Variants in ELOVL7 observed in about 807,000 individuals in gnomAD.
ELOVL7 encodes the protein very long chain fatty acid elongase 7.
A neutral mutation model predicts 35.7 loss-of-function variants in ELOVL7; 27 were observed. That is an observed-to-expected ratio of 0.76 (90% CI 0.56 to 1.04). ELOVL7 has a LOEUF of 1.04. Among genes scored for constraint, ELOVL7 ranks in the 50% least tolerant of loss-of-function variants. The pLI, the probability that ELOVL7 is intolerant of heterozygous loss-of-function variation, is 0.00. For missense variants in ELOVL7, 327 were observed against 340.8 expected, an observed-to-expected ratio of 0.96 and a Z score of 0.32; for synonymous variants, 113 against 114.6, an observed-to-expected ratio of 0.99 and a Z score of 0.09.
At chr5:60,754,880 A>C (rs1300349010) in intron 8 of ELOVL7, 47 bp from the exon 9 acceptor site, 3 of 1,528,232 alleles carry the variant, frequency 2.0e-6, no homozygotes, top group Admixed American at 3.5e-5. Flanking sequence ...ATGAAGAGTT[A>C]ACAATTCTTT....
chr5:60,807,451 G>A (rs1415120790), intron 1 of ELOVL7, among the ~76,000 whole-genome samples: 4 of 151,648 alleles, frequency 2.6e-5, no homozygotes, highest in Admixed American at 2.6e-4. Context: ...AAACACTGAG[G>A]GAAAGAGACA....
chr5:60,754,867 G>A (rs757049350), intron 8 of ELOVL7, 34 bp from the exon 9 acceptor site: 45 of 1,577,772 alleles, frequency 2.9e-5, no homozygotes, highest in Non-Finnish European at 3.7e-5. Context: ...AAATTATTCA[G>A]ATATGAAGAG....
At chr5:60,820,369 T>G (rs569863907) in intron 1 of ELOVL7, among the ~76,000 whole-genome samples, 236 of 152,356 alleles carry the variant, frequency 1.5e-3, no homozygotes, top group African/African-American at 5.4e-3. Context: ...ATAATACATT[T>G]GTGTTATTTC....
intron 1 of ELOVL7, among the ~76,000 whole-genome samples, chr5:60,816,053 T>C (rs775304036): frequency 5.3e-5 from 8 of 152,158 alleles, no homozygotes; most frequent in Admixed American, 1.3e-4. Context: ...CTCTATTACC[T>C]ACAAAATGGA....
chr5:60,767,050 G>A (rs1742283922), intron 5 of ELOVL7, among the ~76,000 whole-genome samples: 1 of 152,110 alleles, frequency 6.6e-6, no homozygotes, highest in Non-Finnish European at 1.5e-5. Flanking sequence ...TTTAAAGGCT[G>A]AATCATATTC....
intron 3 of ELOVL7, among the ~76,000 whole-genome samples, chr5:60,786,708 A>G (rs528964026): frequency 6.6e-6 from 1 of 152,206 alleles, no homozygotes; most frequent in South Asian, 2.1e-4. Context: ...GCACTTTGGG[A>G]GGCCAAGGCG....
chr5:60,836,153 A>ATG (rs1442952454), intron 1 of ELOVL7, among the ~76,000 whole-genome samples: 1 of 151,982 alleles, frequency 6.6e-6, no homozygotes, highest in East Asian at 1.9e-4. Context: ...ATATATATAT[A>ATG]TACACATTTT....
intron 1 of ELOVL7, among the ~76,000 whole-genome samples, chr5:60,814,064 A>G (rs900276081): frequency 4.6e-5 from 7 of 152,224 alleles, no homozygotes; most frequent in African/African-American, 1.7e-4. Context: ...GAACGAACTC[A>G]GCTAAGCTAC....
chr5:60,802,613 G>T (rs748482330), intron 1 of ELOVL7: 1 of 152,110 alleles, frequency 6.6e-6, no homozygotes, highest in Non-Finnish European at 1.5e-5. Context: ...CATATATCCA[G>T]GATGTAAACT....
chr5:60,786,087 A>G, intron 3 of ELOVL7: 1 of 152,204 alleles, frequency 6.6e-6, no homozygotes, highest in East Asian at 1.9e-4. Flanking sequence ...GTATAGCTCA[A>G]TATCTCAAAA....
rs763757476 is a variant in ELOVL7 at position 60,752,433 on chromosome 5, CTCTTT to C, written c.*2186_*2190del. 1 of 152,602 alleles carries C rather than the reference CTCTTT, an allele frequency of 6.6e-6. No individual in the cohort carries two copies. The highest frequency in any genetic ancestry group is 1.9e-4 in the East Asian group (1 of 5,198). The allele number at this position is 152,602 out of a possible 1,614,324, so 9.5% of individuals were successfully genotyped here. A position where few individuals can be genotyped will look rare whatever the true frequency, so the allele number is the denominator to read the frequency against. On this transcript the variant is annotated 3_prime_UTR_variant, in exon 9 of 9. Coordinates refer to ENST00000508821, the MANE Select transcript of ELOVL7 (RefSeq NM_024930.3). ...CAAGAAATAAACTCTCCTGTTTCAT[CTCTTT>C]TATTTTTGCCTCATTTTGGTCTCTA... is the stretch of plus-strand genomic sequence containing the variant.
intron 1 of ELOVL7, among the ~76,000 whole-genome samples, chr5:60,834,243 A>G (rs1746653789): frequency 6.6e-6 from 1 of 151,786 alleles, no homozygotes; most frequent in South Asian, 2.1e-4. Context: ...CCAGGTTCAC[A>G]CCATTCTCCT....
intron 1 of ELOVL7, among the ~76,000 whole-genome samples, chr5:60,842,998 G>A (rs1747267160): frequency 6.6e-6 from 1 of 152,092 alleles, no homozygotes; most frequent in Admixed American, 6.5e-5. Flanking sequence ...GAAAGGGAAT[G>A]AATAAGCGGG....
chr5:60,796,490 C>T (rs79204548), intron 2 of ELOVL7, among the ~76,000 whole-genome samples: 1,855 of 152,280 alleles, frequency 0.012, 21 homozygotes, highest in South Asian at 0.042. Flanking sequence ...CAAGTCGTCC[C>T]CAGTTGAGAT....
intron 3 of ELOVL7, among the ~76,000 whole-genome samples, chr5:60,772,766 G>T (rs1368207313): frequency 1.3e-5 from 2 of 152,176 alleles, no homozygotes; most frequent in African/African-American, 4.8e-5. Context: ...AAGCTATCTG[G>T]AAGAGAGAAC....
chr5:60,814,266 A>C (rs1322518488), intron 1 of ELOVL7, among the ~76,000 whole-genome samples: 3 of 152,210 alleles, frequency 2.0e-5, no homozygotes, highest in African/African-American at 7.2e-5. Flanking sequence ...TCAAAAATGC[A>C]TAAGGAAGAA....
intron 1 of ELOVL7, among the ~76,000 whole-genome samples, chr5:60,826,203 A>G (rs779278251): frequency 3.3e-5 from 5 of 152,252 alleles, no homozygotes; most frequent in Non-Finnish European, 5.9e-5. Context: ...AGTAACCAAC[A>G]GTAAGATCAA....
intron 1 of ELOVL7, among the ~76,000 whole-genome samples, chr5:60,843,128 C>T (rs560226518): frequency 1.6e-4 from 24 of 152,234 alleles, no homozygotes; most frequent in African/African-American, 4.6e-4. Flanking sequence ...AGTGAACATG[C>T]TTTCCGAGGG....
At chr5:60,832,081 G>A (rs1250494155) in intron 1 of ELOVL7, among the ~76,000 whole-genome samples, 1 of 152,108 alleles carries the variant, frequency 6.6e-6, no homozygotes, top group Non-Finnish European at 1.5e-5. Flanking sequence ...TAAACTCTAA[G>A]GCAACGTGTA....
Sources: allele counts gnomAD v4.1 joint callset (sites outside exome capture counted in the v4.1 genomes callset), GRCh38; gene constraint gnomAD v4.1.1; transcripts MANE v1.5; gene names NCBI Gene and HGNC (gene_info 2026-07-23, HGNC 2026-07-21).